DLGAP2: variants seen among roughly 807,000 people sequenced by gnomAD.
DLGAP2 encodes the protein disks large-associated protein 2.
Under a neutral mutation model 100.3 loss-of-function variants are expected in DLGAP2, and 26 were observed. The observed-to-expected ratio is 0.26, with a 90% confidence interval of 0.19 to 0.36. The LOEUF is 0.36. Ranked by LOEUF, DLGAP2 falls within the 10% of genes least tolerant of loss-of-function variation. The probability of loss-of-function intolerance (pLI) is 1.00; values close to 1 mark genes in which losing one functional copy is unlikely to be tolerated. For synonymous variants in DLGAP2, 886 were observed against 630.1 expected, an observed-to-expected ratio of 1.41 and a Z score of -6.08; for missense variants, 1,858 against 1,453.2, an observed-to-expected ratio of 1.28 and a Z score of -4.53.
chr8:1,277,027 C>T (rs1799711926), intron 3 of DLGAP2, among the ~76,000 whole-genome samples: 1 of 152,022 alleles, frequency 6.6e-6, no homozygotes. Context: ...TGAATTGGTC[C>T]CCTTTTCATG....
Position 1,350,812 on chromosome 8 carries a change from G to A in DLGAP2, c.106+91929G>A, listed in dbSNP as rs528188334. 8.6e-3 allele frequency among the ~76,000 whole-genome samples: 317 copies of A among 36,764 alleles called. 27 individuals are homozygous for A. Among genetic ancestry groups the A allele is most frequent in the East Asian group, 0.071 (15 of 210 alleles). The allele number at this position is 36,764 out of a possible 152,430, so 24.1% of individuals were successfully genotyped here. On this transcript the variant is annotated intron_variant, in intron 3 of 14. Transcript: ENST00000637795. ...GCGGGTCCTGAGTGTGCGTGGAAAG[G>A]CCATGCGGGTCCTGAGTGTGCGTGG...
chr8:1,098,454 G>C (rs1804463633), intron 2 of DLGAP2, among the ~76,000 whole-genome samples: 1 of 152,150 alleles, frequency 6.6e-6, no homozygotes, highest in Non-Finnish European at 1.5e-5. Context: ...TTTACAACTT[G>C]GTGGGTAAAT....
At chr8:1,534,491 C>G (rs1031658762) in intron 4 of DLGAP2, among the ~76,000 whole-genome samples, 3 of 152,126 alleles carry the variant, frequency 2.0e-5, no homozygotes, top group Non-Finnish European at 4.4e-5. Flanking sequence ...AATGCTTAAT[C>G]GAAAATGTAA....
At chr8:842,413 G>A (rs1019176595) in intron 1 of DLGAP2, among the ~76,000 whole-genome samples, 4 of 152,140 alleles carry the variant, frequency 2.6e-5, no homozygotes, top group Non-Finnish European at 5.9e-5. Context: ...CAATGCTGTT[G>A]AACAGGCACG....
intron 3 of DLGAP2, among the ~76,000 whole-genome samples, chr8:1,324,836 G>A (rs1429039142): frequency 1.3e-5 from 2 of 152,164 alleles, no homozygotes; most frequent in Non-Finnish European, 2.9e-5. Context: ...TGGCAGTCCC[G>A]TGAAATACGG....
chr8:1,671,533 G>A (rs1189228542), intron 10 of DLGAP2, among the ~76,000 whole-genome samples: 1 of 152,192 alleles, frequency 6.6e-6, no homozygotes, highest in Admixed American at 6.5e-5. Context: ...CCTGTCCCGG[G>A]GTGGGGGGTC....
At chr8:1,677,359 T>A (rs1798834725) in intron 11 of DLGAP2, among the ~76,000 whole-genome samples, 1 of 152,168 alleles carries the variant, frequency 6.6e-6, no homozygotes, top group African/African-American at 2.4e-5. Context: ...GCAGGCTGCC[T>A]TCCATCCTGC....
At chr8:1,691,692 C>G in intron 13 of DLGAP2, 66 bp downstream of exon 13, 1 of 1,332,688 alleles carries the variant, frequency 7.5e-7, no homozygotes, top group Admixed American at 1.9e-5. Context: ...TCCACAGATT[C>G]TCATTGTTTT....
chr8:842,705 A>G (rs991997544), intron 1 of DLGAP2, among the ~76,000 whole-genome samples: 10 of 152,122 alleles, frequency 6.6e-5, no homozygotes, highest in African/African-American at 2.4e-5. Context: ...TTGCCTGTCT[A>G]ATATTTGCAA....
chr8:1,420,409 G>A (rs537752945), intron 3 of DLGAP2, among the ~76,000 whole-genome samples: 3 of 152,206 alleles, frequency 2.0e-5, no homozygotes, highest in South Asian at 4.2e-4. Context: ...TCACTTCTGC[G>A]ATTCTCTCTT....
intron 3 of DLGAP2, among the ~76,000 whole-genome samples, chr8:1,432,405 G>A (rs1400702353): frequency 1.3e-5 from 2 of 152,178 alleles, no homozygotes; most frequent in Non-Finnish European, 2.9e-5. Context: ...GTTAGAATCT[G>A]GGGATTAGCC....
intron 3 of DLGAP2, among the ~76,000 whole-genome samples, chr8:1,357,494 G>C (rs938207856): frequency 1.3e-5 from 2 of 151,516 alleles, no homozygotes; most frequent in African/African-American, 4.9e-5. Flanking sequence ...CCTATTGCTG[G>C]TGAGTGAGAA....
intron 2 of DLGAP2, among the ~76,000 whole-genome samples, chr8:1,195,247 C>G (rs1020969266): frequency 1.3e-5 from 2 of 152,206 alleles, no homozygotes; most frequent in South Asian, 4.1e-4. Flanking sequence ...ACAGGCCTCC[C>G]AGTTCTGCCT....
chr8:876,446 G>A (rs1007762729), intron 1 of DLGAP2, among the ~76,000 whole-genome samples: 1 of 152,150 alleles, frequency 6.6e-6, no homozygotes, highest in Non-Finnish European at 1.5e-5. Flanking sequence ...AATACTTTCA[G>A]TATGTTATAC....
intron 1 of DLGAP2, among the ~76,000 whole-genome samples, chr8:752,208 GGCTGAA>G (rs1820809339): frequency 6.6e-6 from 1 of 152,182 alleles, no homozygotes; most frequent in Admixed American, 6.5e-5. Flanking sequence ...GGTCAGTGTG[GGCTGAA>G]TCATTCTGTC....
chr8:1,575,882 G>C (rs1371321188), intron 6 of DLGAP2, among the ~76,000 whole-genome samples: 1 of 151,970 alleles, frequency 6.6e-6, no homozygotes, highest in South Asian at 2.1e-4. Flanking sequence ...GGACATTTGG[G>C]TTGGTTCCAA....
chr8:1,507,588 C>G (rs1348363264), intron 4 of DLGAP2, among the ~76,000 whole-genome samples: 1 of 152,198 alleles, frequency 6.6e-6, no homozygotes, highest in Non-Finnish European at 1.5e-5. Flanking sequence ...AAGGGCTCCT[C>G]AAGTGCGGCC....
chr8:1,267,586 A>AATAAAATAAG (rs1314559316), intron 3 of DLGAP2, among the ~76,000 whole-genome samples: 5 of 48,406 alleles, frequency 1.0e-4, no homozygotes, highest in East Asian at 8.5e-4. Flanking sequence ...AATAAAATAA[A>AATAAAATAAG]ATAAGATAAG....
At chr8:950,447 C>T (rs758330477) in intron 2 of DLGAP2, among the ~76,000 whole-genome samples, 1 of 152,112 alleles carries the variant, frequency 6.6e-6, no homozygotes, top group Non-Finnish European at 1.5e-5. Context: ...ATGTCACTTG[C>T]AGCACCATTT....
Sources: allele counts gnomAD v4.1 joint callset (sites outside exome capture counted in the v4.1 genomes callset), GRCh38; gene constraint gnomAD v4.1.1; transcripts MANE v1.5; gene names NCBI Gene and HGNC (gene_info 2026-07-23, HGNC 2026-07-21).